Variants in EPHB1 observed in about 807,000 individuals in gnomAD.
EPHB1 encodes ephrin type-B receptor 1.
EPHB1 carries 30 observed loss-of-function variants against 94.4 expected under a neutral mutation model. The ratio of observed to expected loss-of-function variants is 0.32; its 90% CI spans 0.24 to 0.43. The LOEUF (loss-of-function observed/expected upper bound fraction) is 0.43, where lower values mean the gene tolerates loss of function less well. Among genes scored for constraint, EPHB1 ranks in the 20% least tolerant of loss-of-function variants. The pLI, the probability that EPHB1 is intolerant of heterozygous loss-of-function variation, is 1.00. For missense variants in EPHB1, 1,055 were observed against 1,308.3 expected (o/e 0.81, Z 2.99); for synonymous variants, 522 against 489.1 (o/e 1.07, Z -0.89).
intron 4 of EPHB1, among the ~76,000 whole-genome samples, chr3:135,118,891 G>C (rs567310404): frequency 1.0e-3 from 157 of 152,272 alleles, no homozygotes; most frequent in Admixed American, 1.9e-3. Context: ...CCCTATATTT[G>C]TGGAGGAAAT....
At chr3:134,933,859 G>T (rs1302498781) in intron 2 of EPHB1, among the ~76,000 whole-genome samples, 1 of 152,118 alleles carries the variant, frequency 6.6e-6, no homozygotes, top group Admixed American at 6.5e-5. Flanking sequence ...GTCTGCAAAA[G>T]GTTTTCTTTT....
chr3:135,010,167 A>C (rs1222512366), intron 3 of EPHB1, among the ~76,000 whole-genome samples: 1 of 152,234 alleles, frequency 6.6e-6, no homozygotes, highest in Non-Finnish European at 1.5e-5. Context: ...AAGTTCAAAA[A>C]TGTTTTTCTT....
chr3:134,918,030 A>T (rs1041208481), intron 1 of EPHB1, among the ~76,000 whole-genome samples: 1 of 152,248 alleles, frequency 6.6e-6, no homozygotes, highest in Non-Finnish European at 1.5e-5. Flanking sequence ...TTGAACCCAG[A>T]TCTTCAGGGT....
At chr3:135,212,877 A>C (rs1209972681) in intron 12 of EPHB1, among the ~76,000 whole-genome samples, 2 of 152,084 alleles carry the variant, frequency 1.3e-5, no homozygotes, top group Admixed American at 6.5e-5. Context: ...GCTAGAGTCC[A>C]TTTGTTAGAA....
chr3:135,161,025 G>A (rs532009921), intron 6 of EPHB1, among the ~76,000 whole-genome samples: 2 of 152,316 alleles, frequency 1.3e-5, no homozygotes, highest in South Asian at 4.1e-4. Flanking sequence ...TAGTTTTTAA[G>A]AAAAGAAGTG....
intron 1 of EPHB1, among the ~76,000 whole-genome samples, chr3:134,846,840 G>C (rs938952879): frequency 7.2e-5 from 11 of 152,162 alleles, no homozygotes; most frequent in Non-Finnish European, 1.5e-4. Context: ...ACCTGGATAA[G>C]GAATGGGCCG....
chr3:134,849,254 T>C (rs1357611960), intron 1 of EPHB1, among the ~76,000 whole-genome samples: 1 of 152,190 alleles, frequency 6.6e-6, no homozygotes, highest in East Asian at 1.9e-4. Flanking sequence ...AGCTTTTGAA[T>C]GGGGCCTGAA....
intron 1 of EPHB1, among the ~76,000 whole-genome samples, chr3:134,801,564 T>C (rs1477251757): frequency 6.6e-6 from 1 of 152,214 alleles, no homozygotes; most frequent in Non-Finnish European, 1.5e-5. Flanking sequence ...AACTTGAATA[T>C]TTCTGTCAGA....
chr3:134,991,781 C>A (rs182184847), intron 3 of EPHB1, among the ~76,000 whole-genome samples: 1 of 152,192 alleles, frequency 6.6e-6, no homozygotes, highest in Non-Finnish European at 1.5e-5. Flanking sequence ...TTCTTCCCTC[C>A]TCATTCCCTA....
chr3:135,037,472 A>C (rs1425242716), intron 3 of EPHB1, among the ~76,000 whole-genome samples: 1 of 152,230 alleles, frequency 6.6e-6, no homozygotes, highest in East Asian at 1.9e-4. Context: ...GGTCACTAGC[A>C]TTAGCTCCCA....
chr3:135,220,286 A>G (rs1421727806), intron 12 of EPHB1, among the ~76,000 whole-genome samples: 1 of 152,202 alleles, frequency 6.6e-6, no homozygotes, highest in Non-Finnish European at 1.5e-5. Flanking sequence ...CCCCGCAGGC[A>G]TTCTAGCTGC....
At chr3:134,929,787 T>C (rs1026384213) in intron 2 of EPHB1, among the ~76,000 whole-genome samples, 3 of 152,144 alleles carry the variant, frequency 2.0e-5, no homozygotes, top group African/African-American at 7.2e-5. Flanking sequence ...GTTCATGGTG[T>C]GAGCTGCTGG....
At chr3:134,905,118 C>T (rs1294382694) in intron 1 of EPHB1, among the ~76,000 whole-genome samples, 1 of 152,194 alleles carries the variant, frequency 6.6e-6, no homozygotes, top group Non-Finnish European at 1.5e-5. Context: ...GGTCCTGCTT[C>T]ACTCCCCAAT....
At chr3:135,021,020 C>G (rs1361373285) in intron 3 of EPHB1, among the ~76,000 whole-genome samples, 1 of 152,128 alleles carries the variant, frequency 6.6e-6, no homozygotes, top group Non-Finnish European at 1.5e-5. Flanking sequence ...TTCAAGTCTT[C>G]TCTGTTACAG....
intron 1 of EPHB1, among the ~76,000 whole-genome samples, chr3:134,798,751 C>T (rs1225295191): frequency 6.6e-6 from 1 of 152,200 alleles, no homozygotes. Context: ...GTCTGTGAAG[C>T]GAAGGCAGCT....
intron 15 of EPHB1, among the ~76,000 whole-genome samples, chr3:135,254,650 A>C (rs1255730798): frequency 6.6e-6 from 1 of 151,532 alleles, no homozygotes; most frequent in African/African-American, 2.4e-5. Context: ...ATCAATGTTC[A>C]TCAGGGATAT....
At chr3:135,024,517 G>A (rs1039849597) in intron 3 of EPHB1, among the ~76,000 whole-genome samples, 1 of 152,140 alleles carries the variant, frequency 6.6e-6, no homozygotes, top group African/African-American at 2.4e-5. Context: ...AAGTGTGCTA[G>A]TTCCCAGCCA....
intron 6 of EPHB1, among the ~76,000 whole-genome samples, chr3:135,154,600 G>C (rs1378657920): frequency 3.3e-5 from 5 of 152,074 alleles, no homozygotes; most frequent in Non-Finnish European, 1.5e-5. Flanking sequence ...AACTGCCAGG[G>C]GTCCCCGAAC....
intron 6 of EPHB1, among the ~76,000 whole-genome samples, chr3:135,161,538 C>A (rs1941506998): frequency 6.6e-6 from 1 of 152,132 alleles, no homozygotes; most frequent in South Asian, 2.1e-4. Context: ...AGAACAGGCA[C>A]TTTGGAGAGT....
Sources: gnomAD v4.1 joint callset for allele counts (sites outside exome capture counted in the v4.1 genomes callset) on GRCh38, gnomAD v4.1.1 for gene constraint, MANE v1.5 for transcripts, NCBI Gene and HGNC (gene_info 2026-07-23, HGNC 2026-07-21) for gene names.